CRADD: variants seen among roughly 807,000 people sequenced by gnomAD.
CRADD encodes death domain-containing protein CRADD.
CRADD carries 9 observed loss-of-function variants against 15.5 expected under a neutral mutation model. The observed-to-expected ratio is 0.58, with a 90% CI of 0.35 to 1.01. The LOEUF is 1.01. Among genes scored for constraint, CRADD ranks in the 50% least tolerant of loss-of-function variants. The probability of loss-of-function intolerance (pLI) is 0.02; values close to 1 mark genes in which losing one functional copy is unlikely to be tolerated. For synonymous variants in CRADD, 118 were observed against 107.6 expected (o/e 1.10, Z -0.60); for missense variants, 227 against 250.3 (o/e 0.91, Z 0.63).
At chr12:93,880,338 A>T (rs901404758) in intron 2 of CRADD, among the ~76,000 whole-genome samples, 2 of 152,084 alleles carry the variant, frequency 1.3e-5, no homozygotes, top group Admixed American at 1.3e-4. Context: ...TTATGAGTCT[A>T]TAAACAAAAG....
At chr12:93,836,163 A>G (rs1367265876) in intron 2 of CRADD, 2 of 152,136 alleles carry the variant, frequency 1.3e-5, no homozygotes, top group Non-Finnish European at 1.5e-5. Context: ...AGCAGTTACC[A>G]TCTCCACTCT....
intron 2 of CRADD, among the ~76,000 whole-genome samples, chr12:93,721,596 C>T (rs1449444729): frequency 1.3e-5 from 2 of 152,064 alleles, no homozygotes; most frequent in Non-Finnish European, 2.9e-5. Flanking sequence ...TTTCTCTTGT[C>T]ATTATTTTCT....
chr12:93,740,606 G>GA (rs1246520233), intron 2 of CRADD, among the ~76,000 whole-genome samples: 1 of 152,080 alleles, frequency 6.6e-6, no homozygotes, highest in African/African-American at 2.4e-5. Context: ...CTATTTCTGT[G>GA]AAAGCCATAT....
chr12:93,854,289 A>G (rs1171002804), downstream of CRADD, among the ~76,000 whole-genome samples: 1 of 151,954 alleles, frequency 6.6e-6, no homozygotes, highest in Non-Finnish European at 1.5e-5. Context: ...GTAGTAGGCT[A>G]TTTCCTGGGG....
intron 2 of CRADD, among the ~76,000 whole-genome samples, chr12:93,744,538 A>T (rs1181845057): frequency 6.6e-6 from 1 of 152,176 alleles, no homozygotes; most frequent in East Asian, 1.9e-4. Flanking sequence ...GTGTCCCTTC[A>T]TAGCAGTACC....
chr12:93,703,543 G>A (rs1955881591), intron 2 of CRADD, among the ~76,000 whole-genome samples: 1 of 151,502 alleles, frequency 6.6e-6, no homozygotes, highest in Non-Finnish European at 1.5e-5. Flanking sequence ...GTATTTTTTT[G>A]TAGAGACGAG....
At chr12:93,700,368 T>G (rs563510057) in intron 2 of CRADD, among the ~76,000 whole-genome samples, 1 of 152,084 alleles carries the variant, frequency 6.6e-6, no homozygotes, top group Non-Finnish European at 1.5e-5. Context: ...CATTCCAGCA[T>G]CCATTGTGCC....
At chr12:93,734,891 C>T (rs1451962388) in intron 2 of CRADD, among the ~76,000 whole-genome samples, 3 of 152,172 alleles carry the variant, frequency 2.0e-5, no homozygotes, top group Non-Finnish European at 4.4e-5. Context: ...TTTCATGCCA[C>T]TTCCTAGGGG....
rs567139656 is a variant in CRADD, at chr12:93,886,965, A to G, written c.299-7085A>G. 4.6e-5 allele frequency among the ~76,000 whole-genome samples: 7 copies of G among 152,342 alleles called. No homozygotes were observed. In the East Asian group the frequency reaches 9.6e-4, roughly 21 times the overall value. On this transcript the variant is annotated intron_variant, in intron 2 of 2. Transcript: ENST00000548483. The stretch of plus-strand genomic sequence containing the variant: ...GAGAGTGAGGTGGGAGGCTGGTGCC[A>G]TTCTGATTCTGCAGAAGAGAAAGCT...
chr12:93,834,930 A>G (rs559342506), intron 2 of CRADD, among the ~76,000 whole-genome samples: 2 of 152,196 alleles, frequency 1.3e-5, no homozygotes, highest in African/African-American at 4.8e-5. Context: ...TATCATTTGC[A>G]TTGTTTAGAA....
chr12:93,880,281 T>C (rs1379692471), intron 2 of CRADD, among the ~76,000 whole-genome samples: 2 of 152,166 alleles, frequency 1.3e-5, no homozygotes, highest in Admixed American at 1.3e-4. Context: ...AACCCCTTTT[T>C]TTTTCTTCAA....
At chr12:93,866,023 T>C (rs529935056) in intron 2 of CRADD, among the ~76,000 whole-genome samples, 80 of 152,280 alleles carry the variant, frequency 5.3e-4, no homozygotes, top group African/African-American at 1.9e-3. Context: ...GTCATTCTGA[T>C]TTTTTATTAG....
chr12:93,873,704 A>T (rs1958438044), intron 2 of CRADD, among the ~76,000 whole-genome samples: 2 of 152,138 alleles, frequency 1.3e-5, no homozygotes, highest in Non-Finnish European at 2.9e-5. Flanking sequence ...TGGATATGAT[A>T]TATCACATTG....
At chr12:93,740,343 CAGT>C in intron 2 of CRADD, among the ~76,000 whole-genome samples, 1 of 152,144 alleles carries the variant, frequency 6.6e-6, no homozygotes, top group East Asian at 1.9e-4. Flanking sequence ...ATTAACATTT[CAGT>C]TAAGTTTGAA....
At chr12:93,767,531 G>A (rs529925995) in intron 2 of CRADD, among the ~76,000 whole-genome samples, 19 of 152,266 alleles carry the variant, frequency 1.2e-4, no homozygotes, top group Admixed American at 5.2e-4. Context: ...TAGGGCTTTG[G>A]ATCCTAAATT....
intron 2 of CRADD, among the ~76,000 whole-genome samples, chr12:93,755,854 T>C (rs1467472126): frequency 1.3e-5 from 2 of 152,374 alleles, no homozygotes; most frequent in Admixed American, 6.5e-5. Flanking sequence ...AAGTAGCATA[T>C]GATTATTTTA....
chr12:93,773,171 A>G (rs1957102658), intron 2 of CRADD, among the ~76,000 whole-genome samples: 1 of 152,250 alleles, frequency 6.6e-6, no homozygotes, highest in Non-Finnish European at 1.5e-5. Flanking sequence ...TACGTAAGTC[A>G]GAGTAGGCTC....
chr12:93,796,129 T>G (rs375883819), intron 2 of CRADD, among the ~76,000 whole-genome samples: 1 of 152,236 alleles, frequency 6.6e-6, no homozygotes, highest in South Asian at 2.1e-4. Context: ...GTTTGGTTTT[T>G]TTTTCAAGGA....
chr12:93,844,668 C>T (rs562249341), intron 2 of CRADD, among the ~76,000 whole-genome samples: 3 of 152,218 alleles, frequency 2.0e-5, no homozygotes, highest in East Asian at 1.9e-4. Context: ...AGAAGGATGA[C>T]AGAGTATAGC....
Sources: allele counts gnomAD v4.1 joint callset (sites outside exome capture counted in the v4.1 genomes callset), GRCh38; gene constraint gnomAD v4.1.1; transcripts MANE v1.5; gene names NCBI Gene and HGNC (gene_info 2026-07-23, HGNC 2026-07-21).